The following GTF3A variants were observed in gnomAD, a reference collection of about 807,000 sequenced individuals.
GTF3A encodes the protein general transcription factor IIIA, also known as transcription factor IIIA.
A neutral mutation model predicts 37.6 loss-of-function variants in GTF3A; 40 were observed. That is an observed-to-expected ratio of 1.06 (90% CI 0.83 to 1.38). GTF3A has a LOEUF of 1.38. Among genes scored for constraint, GTF3A ranks in the 40% most tolerant of loss-of-function variants. The pLI is 0.00. For missense variants in GTF3A, 500 were observed against 462.6 expected (o/e 1.08, Z -0.74); for synonymous variants, 191 against 166.7 (o/e 1.15, Z -1.12).
In GTF3A at chr13:27,424,760, C is replaced by T. The variant is rs773213760; in HGVS notation, c.23C>T (p.Ala8Val). 31 of 1,487,682 alleles carry T rather than the reference C, an allele frequency of 2.1e-5. No homozygotes were observed. The highest frequency in any genetic ancestry group is 4.6e-5 in the Admixed American group (2 of 43,544). The allele number at this position is 1,487,682 out of a possible 1,614,324, so 92.2% of individuals were successfully genotyped here. The change falls in exon 1 of 9, where the codon GCC becomes GTC. Residue 8 changes from alanine (A) to valine (V), a missense_variant. Coordinates refer to ENST00000381140, the MANE Select transcript of GTF3A (RefSeq NM_002097.3). ...GCCCTGGATCCGCCGGCCGTGGTCG[C>T]CGAGTCGGTGTCGTCCTTGACCATC...
intron 3 of GTF3A, 71 bp downstream of exon 3, chr13:27,430,037 C>G: frequency 1.2e-6 from 1 of 801,778 alleles, no homozygotes; most frequent in Non-Finnish European, 1.9e-6. Context: ...CTGACATTTT[C>G]AGCCAGGTGC....
chr13:27,427,133 C>A lies in GTF3A; in HGVS notation c.243C>A (p.Phe81Leu). The change falls in exon 2 of 9, where the codon TTC becomes TTA. Residue 81 changes from phenylalanine (F) to leucine (L), a missense_variant. Coordinates refer to ENST00000381140, the MANE Select transcript of GTF3A (RefSeq NM_002097.3). Reference sequence around the variant, plus strand: ...ACTATGAAGGGTGTGGCAAGGCCTTCATCAGGGACTACCATCTGAGCCGCC... The same window carrying A: ...ACTATGAAGGGTGTGGCAAGGCCTTAATCAGGGACTACCATCTGAGCCGCC... 1 of 1,607,736 alleles carries A rather than the reference C, an allele frequency of 6.2e-7. No individual in the cohort carries two copies. Among genetic ancestry groups the A allele is most frequent in the Non-Finnish European group, 8.5e-7 (1 of 1,174,640 alleles).
In GTF3A at chr13:27,435,513, C is replaced by CG. The variant is rs1953706796; in HGVS notation, c.1014_1015insG (p.Leu339ValfsTer61). ...CTCCCAAAAGGAAACAAGGGCAAGG[C>CG]TTATCTTTGTGTCAAAACGGAGAGT... On this transcript the variant is annotated frameshift_variant, in exon 9 of 9. Transcript: ENST00000381140. LOFTEE classifies it low-confidence loss of function (END_TRUNC). The CG allele has an allele frequency of 5.0e-6, 8 of 1,613,064 alleles. No homozygotes were observed. The highest frequency in any genetic ancestry group is 6.8e-6 in the Non-Finnish European group (8 of 1,179,290).
intron 2 of GTF3A, among the ~76,000 whole-genome samples, chr13:27,428,115 A>G (rs950648154): frequency 2.0e-5 from 3 of 152,182 alleles, no homozygotes; most frequent in Non-Finnish European, 4.4e-5. Flanking sequence ...TAAAGAAATA[A>G]ATAAATAAAA....
rs1953693643 is a variant in GTF3A at position 27,434,785 on chromosome 13, T to C, written c.644-20T>C. ...TAATATCTGGGGAAATTTGTGAAAT[T>C]TGTCTGTCTGTCCCACCAGAGGAAA... On this transcript the variant is annotated intron_variant, in intron 6 of 8. Transcript: ENST00000381140. 1.4e-6 allele frequency: 2 copies of C among 1,464,096 alleles called. No homozygotes were observed. The highest frequency in any genetic ancestry group is 1.4e-5 in the African/African-American group (1 of 70,942). 90.7% of individuals were successfully genotyped at this position (1,464,096 alleles called of 1,614,324 possible).
intron 6 of GTF3A, chr13:27,434,578 C>A: frequency 1.8e-6 from 1 of 568,602 alleles, no homozygotes; most frequent in Non-Finnish European, 3.1e-6. Context: ...TTCCTGAGAG[C>A]CCTGCCTCTT....
chr13:27,424,767 GGT>G lies in GTF3A; in HGVS notation c.33_34del (p.Ser12ValfsTer34). ...ATCCGCCGGCCGTGGTCGCCGAGTC[GGT>G]GTCGTCCTTGACCATCGCCGACGCG... On this transcript the variant is annotated frameshift_variant, in exon 1 of 9. Coordinates refer to ENST00000381140, the MANE Select transcript of GTF3A (RefSeq NM_002097.3). LOFTEE classifies it high-confidence loss of function. The G allele has an allele frequency of 1.3e-6, 2 of 1,499,604 alleles. No homozygotes were observed. The highest frequency in any genetic ancestry group is 1.8e-6 in the Non-Finnish European group (2 of 1,123,534). The allele number at this position is 1,499,604 out of a possible 1,614,324, so 92.9% of individuals were successfully genotyped here. A position where few individuals can be genotyped will look rare whatever the true frequency, so the allele number is the denominator to read the frequency against.
intron 6 of GTF3A, 125 bp from the exon 7 acceptor site, chr13:27,434,680 A>T (rs1436135314): frequency 5.0e-6 from 3 of 599,342 alleles, no homozygotes; most frequent in South Asian, 4.6e-5. Context: ...TTTCCTTGGG[A>T]ATTTCTGATT....
In GTF3A at chr13:27,435,566, T is replaced by C. The variant is rs1405915007; in HGVS notation, c.1067T>C (p.Leu356Pro). ...CCCAACTGTGTGGAAGACAAGATGC[T>C]CTCGACAGTTGCAGTACTTACCCTT... Residue 356 changes from leucine (L) to proline (P), a missense_variant, in exon 9 of 9, where the codon CTC becomes CCC. Transcript: ENST00000381140. The C allele has an allele frequency of 6.2e-7, 1 of 1,613,678 alleles. No homozygotes were observed. The highest frequency in any genetic ancestry group is 1.3e-5 in the African/African-American group (1 of 74,936).
chr13:27,426,995 AGCCTGTGGCCTT>A (rs1953610097), intron 1 of GTF3A, 85 bp from the exon 2 acceptor site: 3 of 678,412 alleles, frequency 4.4e-6, no homozygotes, highest in South Asian at 3.3e-5. Context: ...CTTCATAGGA[AGCCTGTGGCCTT>A]AACACTAGGC....
rs986245083 is a variant in GTF3A, at chr13:27,432,855, C to G, written c.562+51C>G. Reference sequence around the variant, plus strand: ...TCCGAGGGGGATGCCAAATCCTGGGCGCCTTTGAATCTGTTCTGTGATCAC... The same window carrying G: ...TCCGAGGGGGATGCCAAATCCTGGGGGCCTTTGAATCTGTTCTGTGATCAC... On this transcript the variant is annotated intron_variant, in intron 5 of 8. Coordinates refer to ENST00000381140, the MANE Select transcript of GTF3A (RefSeq NM_002097.3). 2.0e-5 allele frequency: 29 copies of G among 1,442,094 alleles called. No individual in the cohort carries two copies. The African/African-American group carries it at 2.8e-4, about 14-fold the overall frequency. 89.3% of individuals were successfully genotyped at this position (1,442,094 alleles called of 1,614,324 possible).
chr13:27,435,269 C>G lies in GTF3A; in HGVS notation c.933+77C>G, dbSNP rs1391786542. 4 of 1,350,010 alleles carry G rather than the reference C, an allele frequency of 3.0e-6. No homozygotes were observed. In the Middle Eastern group the frequency reaches 9.9e-4, roughly 334 times the overall value. 83.6% of individuals were successfully genotyped at this position (1,350,010 alleles called of 1,614,324 possible). On this transcript the variant is annotated intron_variant, in intron 8 of 8. Coordinates refer to ENST00000381140, the MANE Select transcript of GTF3A (RefSeq NM_002097.3). ...GGCCAGAAGGAGTCTGTTTGGAATTCTTTTCACCTGCTTTACTGTTTGAGT... is the reference window on the plus strand; with the variant it reads ...GGCCAGAAGGAGTCTGTTTGGAATTGTTTTCACCTGCTTTACTGTTTGAGT...
At chr13:27,428,097 ATCTC>A (rs1373359644) in intron 2 of GTF3A, among the ~76,000 whole-genome samples, 3 of 152,212 alleles carry the variant, frequency 2.0e-5, no homozygotes, top group Admixed American at 2.0e-4. Context: ...GGTCAGGTCC[ATCTC>A]TATTAAAGAA....
chr13:27,427,008 AACACTAG>A (rs1953610181), intron 1 of GTF3A, 77 bp from the exon 2 acceptor site: 3 of 737,304 alleles, frequency 4.1e-6, no homozygotes, highest in South Asian at 3.0e-5. Context: ...CTGTGGCCTT[AACACTAG>A]GCAGTTTAAG....
At chr13:27,435,343 C>T (rs1953703097) in intron 8 of GTF3A, 90 bp from the exon 9 acceptor site, 1 of 1,362,214 alleles carries the variant, frequency 7.3e-7, no homozygotes, top group Non-Finnish European at 1.0e-6. Context: ...ATGTTGTACA[C>T]TATATCTGCT....
In GTF3A at chr13:27,435,783, G is replaced by C. The variant is rs1218825; in HGVS notation, c.*186G>C. ...TATATGCCTTCTCCTCATTTTTGCT[G>C]AAAGCACGAAGAACACACATTAAAG... On this transcript the variant is annotated 3_prime_UTR_variant, in exon 9 of 9. Coordinates refer to ENST00000381140, the MANE Select transcript of GTF3A (RefSeq NM_002097.3). 1,495,757 of 1,614,068 alleles carry C rather than the reference G, an allele frequency of 0.93. 699,542 individuals carry two copies. Among genetic ancestry groups the C allele is most frequent in the Non-Finnish European group, 0.96 (1,127,926 of 1,180,014 alleles).
rs1225055510 is a variant in GTF3A, at chr13:27,435,035, G to A, written c.873+1G>A. On this transcript the variant is annotated splice_donor_variant, in intron 7 of 8. Coordinates refer to ENST00000381140, the MANE Select transcript of GTF3A (RefSeq NM_002097.3). LOFTEE classifies it high-confidence loss of function. ...CTGTGGCAAAACATTTGCAATGAAA[G>A]TAAGCACTCACCCTCATACTCATGG... 7.6e-6 allele frequency: 12 copies of A among 1,578,452 alleles called. No individual in the cohort carries two copies. Among genetic ancestry groups the A allele is most frequent in the Non-Finnish European group, 1.0e-5 (12 of 1,147,668 alleles).
chr13:27,431,771 CATTGAA>C (rs1953660025), intron 4 of GTF3A, among the ~76,000 whole-genome samples: 1 of 152,150 alleles, frequency 6.6e-6, no homozygotes, highest in Admixed American at 6.5e-5. Context: ...CCCCAAAAGC[CATTGAA>C]ATTTAAAGCA....
chr13:27,434,879 G>A lies in GTF3A; in HGVS notation c.718G>A (p.Ala240Thr), dbSNP rs374738610. Residue 240 changes from alanine to threonine, a missense_variant, in exon 7 of 9, where the codon GCC becomes ACC. By Grantham distance (58) the Ala-to-Thr change is moderately conservative. Transcript: ENST00000381140. ...CCTTAAGCAACACATGAAAACTCAT[G>A]CCCCAGAAAGGGATGTATGTCGCTG... 38 of 1,613,278 alleles carry A rather than the reference G, an allele frequency of 2.4e-5. No homozygotes were observed. The African/African-American group carries it at 4.9e-4, about 21-fold the overall frequency.
Sources: allele counts gnomAD v4.1 joint callset (sites outside exome capture counted in the v4.1 genomes callset), GRCh38; gene constraint gnomAD v4.1.1; transcripts MANE v1.5; gene names NCBI Gene and HGNC (gene_info 2026-07-23, HGNC 2026-07-21).